The following AKT3 variants were observed in gnomAD, a reference collection of about 807,000 sequenced individuals.
AKT3 encodes AKT serine/threonine kinase 3.
Under a neutral mutation model 65.3 loss-of-function variants are expected in AKT3, and 15 were observed. The ratio of observed to expected loss-of-function variants is 0.23; its 90% CI spans 0.15 to 0.35. The LOEUF (loss-of-function observed/expected upper bound fraction) is 0.35. Among genes scored for constraint, AKT3 ranks in the 10% least tolerant of loss-of-function variants. The pLI, the probability that AKT3 is intolerant of heterozygous loss-of-function variation, is 1.00. For missense variants in AKT3, 243 were observed against 576.5 expected (o/e 0.42, Z 5.92); for synonymous variants, 206 against 183.8 (o/e 1.12, Z -0.98).
At position 243,651,211 on chromosome 1, in the gene AKT3, T is replaced by C. The variant is rs572153612; in HGVS notation, c.285-5174A>G. ...GGTTTGGCTGTTTATTATTGGTGTA[T>C]AGGAATGCTTGTGATTTTTGCACCT... is the stretch of plus-strand genomic sequence containing the variant. On this transcript the variant is annotated intron_variant, in intron 4 of 13. Coordinates refer to ENST00000673466, the MANE Select transcript of AKT3 (RefSeq NM_005465.7). Among the ~76,000 whole-genome samples, 372 of 152,314 alleles carry C rather than the reference T, an allele frequency of 2.4e-3. 2 individuals carry two copies. Among genetic ancestry groups the C allele is most frequent in the African/African-American group, 8.7e-3 (363 of 41,564 alleles).
At position 243,573,000 on chromosome 1, in the gene AKT3, G is replaced by A. The variant is rs1674676132; in HGVS notation, c.745C>T (p.Arg249Cys). 2.5e-6 allele frequency: 4 copies of A among 1,612,796 alleles called. No homozygotes were observed. Among genetic ancestry groups the A allele is most frequent in the Non-Finnish European group, 2.5e-6 (3 of 1,179,416 alleles). The change falls in exon 9 of 14, where the codon CGT (arginine) becomes TGT (cysteine). Residue 249 changes from arginine (R) to cysteine (C), a missense_variant. Transcript: ENST00000673466. ...GAGACAATTTCTGCACCATAGAAAC[G>A]TGTGCGGTCCTCAGAGAACACCCGC... is the stretch of plus-strand genomic sequence containing the variant. ...RERVFSEDRT[R>C]FYGAEIVSAL...
intron 2 of AKT3, among the ~76,000 whole-genome samples, chr1:243,707,841 A>G (rs1446727745): frequency 6.6e-6 from 1 of 152,162 alleles, no homozygotes; most frequent in Non-Finnish European, 1.5e-5. Context: ...ATAAGTGCAC[A>G]GGAATAAGTG....
intron 2 of AKT3, among the ~76,000 whole-genome samples, chr1:243,831,951 T>A (rs1474889662): frequency 1.3e-5 from 2 of 151,758 alleles, no homozygotes. Flanking sequence ...ACTTGAAATA[T>A]GGCCTCAGTT....
At chr1:243,728,518 C>T (rs951452781) in intron 2 of AKT3, among the ~76,000 whole-genome samples, 27 of 152,142 alleles carry the variant, frequency 1.8e-4, no homozygotes, top group Admixed American at 1.6e-3. Context: ...TGTGCTAATG[C>T]ATCATACTAG....
chr1:243,498,319 A>ATAG (rs1468634023), downstream of AKT3, among the ~76,000 whole-genome samples: 1 of 152,222 alleles, frequency 6.6e-6, no homozygotes, highest in African/African-American at 2.4e-5. Flanking sequence ...GCTCTAGGGC[A>ATAG]TAGTGCATGG....
At chr1:243,659,123 A>C (rs1453254127) in intron 4 of AKT3, among the ~76,000 whole-genome samples, 1 of 152,226 alleles carries the variant, frequency 6.6e-6, no homozygotes, top group Non-Finnish European at 1.5e-5. Flanking sequence ...ATGCTGTAAC[A>C]TGGATTAACT....
chr1:243,717,305 C>A (rs910641954), intron 2 of AKT3, among the ~76,000 whole-genome samples: 3 of 152,036 alleles, frequency 2.0e-5, no homozygotes, highest in African/African-American at 4.8e-5. Flanking sequence ...AGAGTCATAC[C>A]CAGTGGCTTT....
At position 243,572,943 on chromosome 1, in the gene AKT3, CA is replaced by C; in HGVS notation, c.801del (p.Ile267MetfsTer11). On this transcript the variant is annotated frameshift_variant, in exon 9 of 14. Transcript: ENST00000673466. LOFTEE classifies it high-confidence loss of function. Reference sequence around the variant, plus strand: ...TTTTTTACCTTGAGATCACGGTACACAATCTTTCCGGAATGTAGATAGTCCA... The same window carrying C: ...TTTTTTACCTTGAGATCACGGTACACATCTTTCCGGAATGTAGATAGTCCA... Reference protein sequence around the residue: ...SALDYLHSGKIVYRDLKLENL... With the variant: ...SALDYLHSGKXVYRDLKLENL... 6.2e-7 allele frequency: 1 copy of C among 1,609,212 alleles called. No individual in the cohort carries two copies. Among genetic ancestry groups the C allele is most frequent in the Non-Finnish European group, 8.5e-7 (1 of 1,178,164 alleles).
intron 2 of AKT3, among the ~76,000 whole-genome samples, chr1:243,779,638 G>A (rs1429562105): frequency 1.3e-5 from 2 of 151,896 alleles, no homozygotes; most frequent in African/African-American, 2.4e-5. Flanking sequence ...GAATGGATCA[G>A]GACAGGATAA....
At chr1:243,641,289 C>T (rs1055869843) in intron 5 of AKT3, among the ~76,000 whole-genome samples, 18 of 149,208 alleles carry the variant, frequency 1.2e-4, no homozygotes, top group South Asian at 2.1e-4. Flanking sequence ...CACACACACA[C>T]GCACACACAC....
rs187717419 is a variant in AKT3, at chr1:243,587,172, T to C, written c.697-14124A>G. Among the ~76,000 whole-genome samples, 541 of 152,302 alleles carry C rather than the reference T, an allele frequency of 3.6e-3. 2 individuals carry two copies. Among genetic ancestry groups the C allele is most frequent in the African/African-American group, 0.013 (523 of 41,560 alleles). ...ATTTTAAATTTATGAAAAATTAGTA[T>C]TGTCAGTGAAAGTGAGGTGAGATAA... On this transcript the variant is annotated intron_variant, in intron 8 of 13. Transcript: ENST00000673466.
At chr1:243,491,846 G>C (rs182994105) in intron 13 of AKT3, among the ~76,000 whole-genome samples, 9 of 152,326 alleles carry the variant, frequency 5.9e-5, no homozygotes, top group African/African-American at 2.2e-4. Flanking sequence ...TCATGTCCGG[G>C]TTAGAGATGG....
chr1:243,513,434 T>C (rs1670147234), intron 12 of AKT3, among the ~76,000 whole-genome samples: 1 of 152,164 alleles, frequency 6.6e-6, no homozygotes, highest in African/African-American at 2.4e-5. Flanking sequence ...GCATGTTTTA[T>C]AAAAATTTTA....
In AKT3 at chr1:243,829,084, T is replaced by A. The variant is rs950516993; in HGVS notation, c.46+14041A>T. ...TATCCCCCTTCCTATCCCTGCCTAATCTCTTCAATCCGAATCTCTTGACAA... is the reference window on the plus strand; with the variant it reads ...TATCCCCCTTCCTATCCCTGCCTAAACTCTTCAATCCGAATCTCTTGACAA... On this transcript the variant is annotated intron_variant, in intron 2 of 13. Transcript: ENST00000673466. Among the ~76,000 whole-genome samples the A allele has an allele frequency of 1.6e-4, 25 of 152,286 alleles. 1 individual carries two copies. The East Asian group carries it at 3.5e-3, about 21-fold the overall frequency.
chr1:243,554,401 A>G (rs1057036110), intron 10 of AKT3, among the ~76,000 whole-genome samples: 1 of 152,198 alleles, frequency 6.6e-6, no homozygotes, highest in Non-Finnish European at 1.5e-5. Context: ...TAACAAAAAA[A>G]CATTTTCTGG....
At chr1:243,696,854 T>C (rs1685093900) in intron 2 of AKT3, among the ~76,000 whole-genome samples, 1 of 152,054 alleles carries the variant, frequency 6.6e-6, no homozygotes, top group Non-Finnish European at 1.5e-5. Flanking sequence ...CACCTCCAGA[T>C]TAATCTTGTG....
At chr1:243,787,142 G>C (rs1340217523) in intron 2 of AKT3, among the ~76,000 whole-genome samples, 1 of 152,166 alleles carries the variant, frequency 6.6e-6, no homozygotes, top group Non-Finnish European at 1.5e-5. Flanking sequence ...TAAGATCTTT[G>C]TAGCTAAATC....
intron 8 of AKT3, among the ~76,000 whole-genome samples, chr1:243,598,295 T>C (rs1021756640): frequency 1.3e-5 from 2 of 152,186 alleles, no homozygotes; most frequent in Non-Finnish European, 2.9e-5. Context: ...AGTTGAATAA[T>C]CTTATCTTTG....
upstream of AKT3, chr1:243,850,951 C>A (rs1432715659): frequency 6.6e-6 from 1 of 152,122 alleles, no homozygotes. Context: ...ATCCGCCCAC[C>A]CGCCCTGGCC....
Sources: gnomAD v4.1 joint callset for allele counts (sites outside exome capture counted in the v4.1 genomes callset) on GRCh38, gnomAD v4.1.1 for gene constraint, MANE v1.5 for transcripts, NCBI Gene and HGNC (gene_info 2026-07-23, HGNC 2026-07-21) for gene names.